Variants in HPGDS observed in about 807,000 individuals in gnomAD.
The protein encoded by HPGDS is GST class-sigma.
In HPGDS, 26 loss-of-function variants were observed where a neutral mutation model predicts 23.1. The ratio of observed to expected loss-of-function variants is 1.13; its 90% CI spans 0.83 to 1.56. The LOEUF (loss-of-function observed/expected upper bound fraction) is 1.56, where lower values mean the gene tolerates loss of function less well. Ranked by LOEUF, HPGDS falls within the 40% of genes most tolerant of loss-of-function variation. HPGDS has a pLI of 0.00. For missense variants in HPGDS, 268 were observed against 236.4 expected (o/e 1.13, Z -0.88); for synonymous variants, 95 against 77.9 (o/e 1.22, Z -1.16).
At chr4:94,334,000 T>A (rs566746430) in intron 2 of HPGDS, among the ~76,000 whole-genome samples, 2 of 152,324 alleles carry the variant, frequency 1.3e-5, no homozygotes, top group Admixed American at 1.3e-4. Context: ...ATAAGGGCAA[T>A]GACTTTTAAG....
chr4:94,339,863 A>G (rs1176262345), intron 1 of HPGDS, among the ~76,000 whole-genome samples: 1 of 152,158 alleles, frequency 6.6e-6, no homozygotes, highest in African/African-American at 2.4e-5. Flanking sequence ...ATGGTAGTAA[A>G]TAAGTCTCAC....
intron 4 of HPGDS, among the ~76,000 whole-genome samples, chr4:94,307,924 C>G (rs1158971674): frequency 6.6e-6 from 1 of 152,042 alleles, no homozygotes; most frequent in Non-Finnish European, 1.5e-5. Flanking sequence ...ATATTGGGAG[C>G]TTGGTGAAAA....
chr4:94,316,215 A>AGAAAGAGAC (rs1314082533), intron 3 of HPGDS, among the ~76,000 whole-genome samples: 2 of 152,210 alleles, frequency 1.3e-5, no homozygotes, highest in Non-Finnish European at 2.9e-5. Flanking sequence ...AACAGAAAAG[A>AGAAAGAGAC]GAAAGAGACG....
chr4:94,314,449 C>T (rs1277571903), intron 3 of HPGDS, among the ~76,000 whole-genome samples: 1 of 152,200 alleles, frequency 6.6e-6, no homozygotes, highest in African/African-American at 2.4e-5. Context: ...GGCTGCAGAA[C>T]AGCAAATATT....
intron 3 of HPGDS, among the ~76,000 whole-genome samples, chr4:94,313,412 G>T (rs1756323317): frequency 6.6e-6 from 1 of 152,146 alleles, no homozygotes; most frequent in South Asian, 2.1e-4. Flanking sequence ...AGTTTGGCTG[G>T]ATATGAAATT....
At chr4:94,340,309 CTCTTTTTTTTTTTT>C (rs1721123944) in intron 1 of HPGDS, among the ~76,000 whole-genome samples, 36 of 28,772 alleles carry the variant, frequency 1.3e-3, no homozygotes, top group African/African-American at 3.1e-3. Context: ...TTCTTTCTTT[CTCTTTTTTTTTTTT>C]TTTTTTTTTT....
chr4:94,319,843 T>A (rs369964589), intron 2 of HPGDS, among the ~76,000 whole-genome samples: 33 of 152,312 alleles, frequency 2.2e-4, no homozygotes, highest in African/African-American at 7.9e-4. Context: ...ACATGTGCCA[T>A]GTTGGTGTGC....
intron 2 of HPGDS, among the ~76,000 whole-genome samples, chr4:94,327,851 G>A (rs1458869780): frequency 6.6e-6 from 1 of 152,212 alleles, no homozygotes; most frequent in African/African-American, 2.4e-5. Flanking sequence ...GGGGATGTCA[G>A]AAGGGCTCCA....
intron 3 of HPGDS, among the ~76,000 whole-genome samples, chr4:94,312,086 T>C (rs1380162007): frequency 4.6e-5 from 7 of 152,090 alleles, no homozygotes; most frequent in African/African-American, 1.7e-4. Context: ...TTTCAAAAAA[T>C]AAGCTCCTGG....
intron 1 of HPGDS, 100 bp from the exon 2 acceptor site, chr4:94,334,738 G>A (rs1720959004): frequency 2.0e-6 from 2 of 993,222 alleles, no homozygotes; most frequent in Non-Finnish European, 1.5e-6. Context: ...CATCTCTTGA[G>A]ATTACTGGAG....
intron 3 of HPGDS, among the ~76,000 whole-genome samples, chr4:94,313,111 T>C (rs1466556552): frequency 6.6e-6 from 1 of 152,232 alleles, no homozygotes; most frequent in African/African-American, 2.4e-5. Flanking sequence ...TCTGTGTCTT[T>C]TAATTGGAGC....
At chr4:94,316,377 A>G (rs991663519) in intron 3 of HPGDS, among the ~76,000 whole-genome samples, 2 of 149,856 alleles carry the variant, frequency 1.3e-5, no homozygotes, top group Admixed American at 1.3e-4. Context: ...ATGATTCTAC[A>G]TCCACAAATT....
chr4:94,313,179 T>G (rs1756316246), intron 3 of HPGDS, among the ~76,000 whole-genome samples: 1 of 152,178 alleles, frequency 6.6e-6, no homozygotes, highest in Non-Finnish European at 1.5e-5. Flanking sequence ...ATCCTGTCAT[T>G]ATGATGTTAG....
chr4:94,340,311 C>CTTTCTTTCTTTCTTTTTCTTTTCTTTT, intron 1 of HPGDS, among the ~76,000 whole-genome samples: 2 of 23,678 alleles, frequency 8.4e-5, no homozygotes, highest in Non-Finnish European at 1.7e-4. Context: ...CTTTCTTTCT[C>CTTTCTTTCTTTCTTTTTCTTTTCTTTT]TTTTTTTTTT....
At chr4:94,319,077 A>G (rs186633680) in intron 2 of HPGDS, among the ~76,000 whole-genome samples, 26 of 152,202 alleles carry the variant, frequency 1.7e-4, no homozygotes, top group Non-Finnish European at 2.5e-4. Flanking sequence ...ATTCAGCCCA[A>G]TGTTTCTTTG....
At chr4:94,331,508 G>A (rs1756736073) in intron 2 of HPGDS, among the ~76,000 whole-genome samples, 1 of 152,124 alleles carries the variant, frequency 6.6e-6, no homozygotes, top group Non-Finnish European at 1.5e-5. Context: ...AGTGTGCATG[G>A]GAGGGGCTTG....
chr4:94,304,558 GACC>G (rs1553924051), intron 4 of HPGDS, among the ~76,000 whole-genome samples: 1 of 151,980 alleles, frequency 6.6e-6, no homozygotes, highest in Non-Finnish European at 1.5e-5. Flanking sequence ...ATTTTCACCT[GACC>G]ACAAGATGGC....
intron 2 of HPGDS, among the ~76,000 whole-genome samples, chr4:94,322,860 G>T (rs1266148713): frequency 6.6e-6 from 1 of 152,150 alleles, no homozygotes; most frequent in African/African-American, 2.4e-5. Flanking sequence ...ATGTTAGGGT[G>T]TCAATTTCAG....
At chr4:94,304,349 A>T (rs1354396621) in intron 4 of HPGDS, among the ~76,000 whole-genome samples, 1 of 152,176 alleles carries the variant, frequency 6.6e-6, no homozygotes, top group Non-Finnish European at 1.5e-5. Context: ...TAACCAAAGT[A>T]ACACTAATGG....
Sources: gnomAD v4.1 joint callset for allele counts (sites outside exome capture counted in the v4.1 genomes callset) on GRCh38, gnomAD v4.1.1 for gene constraint, MANE v1.5 for transcripts, NCBI Gene and HGNC (gene_info 2026-07-23, HGNC 2026-07-21) for gene names.